Variants in MRPS23 observed in about 807,000 individuals in gnomAD.
MRPS23 encodes the protein small ribosomal subunit protein mS23.
In MRPS23, 14 loss-of-function variants were observed where a neutral mutation model predicts 19.8. The observed-to-expected ratio is 0.71, with a 90% CI of 0.47 to 1.11. The LOEUF is 1.11. MRPS23 is among the 50% of genes least tolerant of loss of function. MRPS23 has a pLI of 0.00. For synonymous variants in MRPS23, 113 were observed against 89.7 expected, an observed-to-expected ratio of 1.26 and a Z score of -1.47; for missense variants, 242 against 236.7, an observed-to-expected ratio of 1.02 and a Z score of -0.15.
chr17:57,836,293 G>A lies in MRPS23; in HGVS notation c.*3490C>T, dbSNP rs1336778501. 1 of 152,148 alleles carries A rather than the reference G, an allele frequency of 6.6e-6. No individual in the cohort carries two copies. Among genetic ancestry groups the A allele is most frequent in the Non-Finnish European group, 1.5e-5 (1 of 68,046 alleles). 9.4% of individuals were successfully genotyped at this position (152,148 alleles called of 1,614,324 possible). A position where few individuals can be genotyped will look rare whatever the true frequency, so the allele number is the denominator to read the frequency against. ...AATAATCATTACTACTTGAATGAAG[G>A]CCACAGTAAATGAGGCAGGAGTACA... On this transcript the variant is annotated 3_prime_UTR_variant, in exon 5 of 5. Transcript: ENST00000313608.
At chr17:57,839,994 C>A in intron 4 of MRPS23, 59 bp from the exon 5 acceptor site, 1 of 1,592,532 alleles carries the variant, frequency 6.3e-7, no homozygotes, top group Admixed American at 1.7e-5. Flanking sequence ...AATTAATTCG[C>A]TAAAGATATA....
At chr17:57,846,426 C>T (rs1486572533) in intron 2 of MRPS23, among the ~76,000 whole-genome samples, 1 of 152,172 alleles carries the variant, frequency 6.6e-6, no homozygotes, top group Non-Finnish European at 1.5e-5. Flanking sequence ...TACCCAACAG[C>T]TCATTGAGAA....
chr17:57,841,751 G>A (rs1479635669), intron 2 of MRPS23, among the ~76,000 whole-genome samples: 3 of 152,004 alleles, frequency 2.0e-5, no homozygotes, highest in Non-Finnish European at 2.9e-5. Flanking sequence ...ACTTGCAACT[G>A]GGAGTTCAGC....
At chr17:57,843,771 CCACCTGGT>C (rs1386037332) in intron 2 of MRPS23, among the ~76,000 whole-genome samples, 1 of 152,196 alleles carries the variant, frequency 6.6e-6, no homozygotes, top group Non-Finnish European at 1.5e-5. Context: ...TGTTTATAAG[CCACCTGGT>C]CTATGGTAAT....
At position 57,849,378 on chromosome 17, in the gene MRPS23, T is replaced by C; in HGVS notation, c.77A>G (p.Lys26Arg). ...TRDLVRAGVL[K>R]EKPLWFDVYD... Reference sequence around the variant, plus strand: ...TACGTCAAACCACAGGGGCTTCTCCTTCAGCACCCCGGCCCGAACCAGGTC... The same window carrying C: ...TACGTCAAACCACAGGGGCTTCTCCCTCAGCACCCCGGCCCGAACCAGGTC... The change falls in exon 2 of 5, where the codon AAG becomes AGG. Residue 26 changes from lysine to arginine, a missense_variant. By Grantham distance (26) the Lys-to-Arg change is conservative. Coordinates refer to ENST00000313608, the MANE Select transcript of MRPS23 (RefSeq NM_016070.4). The C allele has an allele frequency of 1.2e-6, 2 of 1,614,112 alleles. No individual in the cohort carries two copies. Among genetic ancestry groups the C allele is most frequent in the Non-Finnish European group, 1.7e-6 (2 of 1,180,036 alleles).
chr17:57,835,003 T>C lies in MRPS23; in HGVS notation c.*4780A>G, dbSNP rs989911733. On this transcript the variant is annotated 3_prime_UTR_variant, in exon 5 of 5. Transcript: ENST00000313608. The stretch of plus-strand genomic sequence containing the variant: ...AGGCAGAGGCAGAGCTCTATAAAAT[T>C]TGGTGAATCCAGGACCACTTAAACA... 1 of 152,100 alleles carries C rather than the reference T, an allele frequency of 6.6e-6. No homozygotes were observed. Among genetic ancestry groups the C allele is most frequent in the African/African-American group, 2.4e-5 (1 of 41,410 alleles). The allele number at this position is 152,100 out of a possible 1,614,324, so 9.4% of individuals were successfully genotyped here.
At chr17:57,840,788 G>A (rs2073735371) in intron 4 of MRPS23, 138 bp downstream of exon 4, 3 of 1,129,982 alleles carry the variant, frequency 2.7e-6, no homozygotes, top group Non-Finnish European at 1.2e-6. Context: ...TAGGTTATAT[G>A]CAAAAACCAC....
At chr17:57,847,917 G>A (rs1048339171) in intron 2 of MRPS23, among the ~76,000 whole-genome samples, 2 of 151,528 alleles carry the variant, frequency 1.3e-5, no homozygotes, top group South Asian at 2.1e-4. Context: ...AGGTGGTCTC[G>A]AACTCCTGAG....
At chr17:57,848,238 GCTTT>G (rs937266129) in intron 2 of MRPS23, among the ~76,000 whole-genome samples, 5 of 151,592 alleles carry the variant, frequency 3.3e-5, no homozygotes, top group South Asian at 2.1e-4. Flanking sequence ...TTCTTTTTAT[GCTTT>G]CTTTGTGTAT....
rs561202661 is a variant in MRPS23 at position 57,840,087 on chromosome 17, G to A, written c.421-152C>T. On this transcript the variant is annotated intron_variant, in intron 4 of 4. Transcript: ENST00000313608. The stretch of plus-strand genomic sequence containing the variant: ...TTCTACTATAACAAATAGTAAACAT[G>A]ATTTTAAAAAGTCTATAGGGCCGGG... The A allele has an allele frequency of 8.0e-6, 8 of 1,002,572 alleles. No individual in the cohort carries two copies. The East Asian group carries it at 2.1e-4, about 27-fold the overall frequency. 62.1% of individuals were successfully genotyped at this position (1,002,572 alleles called of 1,614,324 possible). A position where few individuals can be genotyped will look rare whatever the true frequency, so the allele number is the denominator to read the frequency against.
chr17:57,841,200 G>T lies in MRPS23; in HGVS notation c.276C>A (p.Phe92Leu), dbSNP rs768830314. The T allele has an allele frequency of 6.2e-7, 1 of 1,614,194 alleles. No individual in the cohort carries two copies. Among genetic ancestry groups the T allele is most frequent in the South Asian group, 1.1e-5 (1 of 91,080 alleles). ...TGGCTTACCGTTGACAGGTAGACTT[G>T]AAGTTTGGATTGAATAGATCAAAAG... ...QRAFDLFNPN[F>L]KSTCQRFVEK... The change falls in exon 3 of 5, where the codon TTC becomes TTA. Residue 92 changes from phenylalanine to leucine, a missense_variant. By Grantham distance (22) the Phe-to-Leu change is conservative (BLOSUM62 0). Transcript: ENST00000313608.
intron 2 of MRPS23, chr17:57,848,763 T>A (rs2073792669): frequency 6.7e-6 from 1 of 149,056 alleles, no homozygotes; most frequent in Non-Finnish European, 1.5e-5. Flanking sequence ...CTATCTCCAC[T>A]CGTGGAGAAG....
chr17:57,842,014 C>CT (rs545289407), intron 2 of MRPS23, among the ~76,000 whole-genome samples: 36,709 of 149,688 alleles, frequency 0.25, 4,670 homozygotes, highest in Non-Finnish European at 0.29. Context: ...ATAAAATTAA[C>CT]TTTTTTTTTT....
In MRPS23 at chr17:57,837,061, G is replaced by A. The variant is rs548654452; in HGVS notation, c.*2722C>T. On this transcript the variant is annotated 3_prime_UTR_variant, in exon 5 of 5. Transcript: ENST00000313608. ...TGATGGGGATCTGATGACAGCTTTT[G>A]CCCAAACTGTGGAAATAGTTCTGAG... 1 of 152,278 alleles carries A rather than the reference G, an allele frequency of 6.6e-6. No individual in the cohort carries two copies. Among genetic ancestry groups the A allele is most frequent in the East Asian group, 1.9e-4 (1 of 5,186 alleles). 9.4% of individuals were successfully genotyped at this position (152,278 alleles called of 1,614,324 possible). A position where few individuals can be genotyped will look rare whatever the true frequency, so the allele number is the denominator to read the frequency against.
chr17:57,841,055 G>A lies in MRPS23; in HGVS notation c.294-3C>T, dbSNP rs1182060163. ...GCTCAGTGTACTTCTCCACAAACCT[G>A]TAATTCCAAGCAGTCACATTTTAGG... On this transcript the variant is annotated splice_polypyrimidine_tract_variant and splice_region_variant and intron_variant, in intron 3 of 4. Coordinates refer to ENST00000313608, the MANE Select transcript of MRPS23 (RefSeq NM_016070.4). 6.2e-7 allele frequency: 1 copy of A among 1,613,640 alleles called. No individual in the cohort carries two copies. Among genetic ancestry groups the A allele is most frequent in the East Asian group, 2.2e-5 (1 of 44,878 alleles).
chr17:57,846,489 G>T (rs2073776559), intron 2 of MRPS23, among the ~76,000 whole-genome samples: 2 of 152,204 alleles, frequency 1.3e-5, no homozygotes, highest in South Asian at 4.1e-4. Flanking sequence ...GGAAATGTGG[G>T]GAAAAGAAAG....
chr17:57,843,158 C>A (rs149316907), intron 2 of MRPS23, among the ~76,000 whole-genome samples: 1 of 151,838 alleles, frequency 6.6e-6, no homozygotes, highest in East Asian at 1.9e-4. Flanking sequence ...CACCTGTAGT[C>A]CCAGCTACTC....
At chr17:57,843,731 C>A (rs1177962200) in intron 2 of MRPS23, among the ~76,000 whole-genome samples, 1 of 152,184 alleles carries the variant, frequency 6.6e-6, no homozygotes, top group East Asian at 1.9e-4. Flanking sequence ...GACTTCCTAG[C>A]CTCCAGAACT....
chr17:57,849,034 T>C, intron 2 of MRPS23: 1 of 612,924 alleles, frequency 1.6e-6, no homozygotes, highest in South Asian at 2.2e-5. Flanking sequence ...TGCAATGATC[T>C]TTCGGTTGCT....
Sources: gnomAD v4.1 joint callset for allele counts (sites outside exome capture counted in the v4.1 genomes callset) on GRCh38, gnomAD v4.1.1 for gene constraint, MANE v1.5 for transcripts, NCBI Gene and HGNC (gene_info 2026-07-23, HGNC 2026-07-21) for gene names.